The following NEB variants were observed in gnomAD, a reference collection of about 807,000 sequenced individuals.
The protein encoded by NEB is nemaline myopathy type 2.
Under a neutral mutation model 952.2 loss-of-function variants are expected in NEB, and 512 were observed. The ratio of observed to expected loss-of-function variants is 0.54; its 90% confidence interval spans 0.50 to 0.58. NEB has a LOEUF of 0.58. Ranked by LOEUF, NEB falls within the 20% of genes least tolerant of loss-of-function variation. The pLI is 0.00. For synonymous variants in NEB, 2,900 were observed against 3,149.8 expected, an observed-to-expected ratio of 0.92 and a Z score of 2.66; for missense variants, 8,428 against 9,231.1, an observed-to-expected ratio of 0.91 and a Z score of 3.56.
chr2:151,519,198 ATAGTAGCC>A (rs1559478940), intron 154 of NEB, 129 bp from the exon 155 acceptor site: 9 of 704,164 alleles, frequency 1.3e-5, no homozygotes, highest in Non-Finnish European at 2.3e-5. Flanking sequence ...TACCTCATTC[ATAGTAGCC>A]AGAAGGCAGA....
Position 151,630,784 on chromosome 2 carries a change from A to G in NEB, c.9654T>C (p.Thr3218=), listed in dbSNP as rs1005013494. Residue 3218 remains threonine (T), a synonymous_variant, in exon 67 of 182, where the codon ACT becomes ACC. Transcript: ENST00000397345. ...GTGTATCAGGCATTATGTGAATTTG[A>G]GTCTTGTCTTTGTCCCAGGCCTCTG... ...LYTEAWDKDK[T]QIHIMPDTPE... 1 of 1,611,510 alleles carries G rather than the reference A, an allele frequency of 6.2e-7. No individual in the cohort carries two copies. Among genetic ancestry groups the G allele is most frequent in the Non-Finnish European group, 8.5e-7 (1 of 1,178,728 alleles).
intron 100 of NEB, 140 bp from the exon 101 acceptor site, chr2:151,583,906 T>G: frequency 1.2e-6 from 1 of 808,082 alleles, no homozygotes. Context: ...CATATTTCAG[T>G]TCACTTTAAA....
intron 107 of NEB, 88 bp downstream of exon 107, chr2:151,575,607 G>A (rs565122954): frequency 3.4e-4 from 317 of 935,716 alleles, no homozygotes; most frequent in Middle Eastern, 3.1e-3. Context: ...GTCAGGGACC[G>A]AGTCCATCTT....
At chr2:151,627,288 T>C (rs1483550277) in intron 69 of NEB, 83 bp from the exon 70 acceptor site, 8 of 1,487,112 alleles carry the variant, frequency 5.4e-6, no homozygotes, top group Non-Finnish European at 7.2e-6. Context: ...ACTAGAAAGC[T>C]TGGATAGTCA....
chr2:151,657,861 T>G, intron 48 of NEB, 122 bp downstream of exon 48: 1 of 717,000 alleles, frequency 1.4e-6, no homozygotes. Context: ...TTAAGAAGCA[T>G]TCACAGAGAG....
Position 151,633,691 on chromosome 2 carries a change from A to G in NEB, c.9377T>C (p.Val3126Ala), listed in dbSNP as rs1560731497. 9 of 1,613,862 alleles carry G rather than the reference A, an allele frequency of 5.6e-6. No homozygotes were observed. Among genetic ancestry groups the G allele is most frequent in the Non-Finnish European group, 7.6e-6 (9 of 1,179,754 alleles). The change falls in exon 65 of 182, where the codon GTC becomes GCC. Residue 3126 changes from valine to alanine, a missense_variant. Physicochemically the swap from Val to Ala is moderately conservative, Grantham distance 64. Coordinates refer to ENST00000397345, the MANE Select transcript of NEB (RefSeq NM_001164508.2). ...GTCATAGGCCTGCCGAGCATGGATGACATCGCTCTGGTCAGGCAGGCATGT... is the reference window on the plus strand; with the variant it reads ...GTCATAGGCCTGCCGAGCATGGATGGCATCGCTCTGGTCAGGCAGGCATGT... ...EWTCLPDQSD[V>A]IHARQAYDLQ... is the part of the protein sequence containing the mutation.
Position 151,506,290 on chromosome 2 carries a change from C to T in NEB, c.23557-32G>A, listed in dbSNP as rs746053646. 23 of 1,530,090 alleles carry T rather than the reference C, an allele frequency of 1.5e-5. No individual in the cohort carries two copies. The South Asian group carries it at 1.6e-4, about 11-fold the overall frequency. 94.8% of individuals were successfully genotyped at this position (1,530,090 alleles called of 1,614,324 possible). On this transcript the variant is annotated intron_variant, in intron 163 of 181. Transcript: ENST00000397345. Reference sequence around the variant, plus strand: ...ATTCAGAATCAGGACAGTGTTAACACAGAAGAAAAGAAAACCCAGCAGTTC... The same window carrying T: ...ATTCAGAATCAGGACAGTGTTAACATAGAAGAAAAGAAAACCCAGCAGTTC...
rs201971223 is a variant in NEB at position 151,565,051 on chromosome 2, T to G, written c.18464A>C (p.Tyr6155Ser). 2.6e-4 allele frequency: 409 copies of G among 1,558,308 alleles called. 3 individuals carry two copies. The African/African-American group carries it at 5.3e-3, about 20-fold the overall frequency. ...ACATAAAAGAGAACTTACAGTACTG[T>G]AGAGTTTTCCCATGTCTTTGGAGTG... The part of the protein sequence containing the change: ...ISHSKDMGKL[Y>S]STILYKGAWE... The change falls in exon 117 of 182, where the codon TAC (tyrosine) becomes TCC (serine). Residue 6155 changes from tyrosine to serine, a missense_variant. Coordinates refer to ENST00000397345, the MANE Select transcript of NEB (RefSeq NM_001164508.2).
chr2:151,721,900 TA>T (rs1337229203), intron 9 of NEB, among the ~76,000 whole-genome samples: 1 of 152,222 alleles, frequency 6.6e-6, no homozygotes, highest in Non-Finnish European at 1.5e-5. Flanking sequence ...TTTCCTAACT[TA>T]CCTGTGGAAG....
intron 116 of NEB, 100 bp downstream of exon 116, chr2:151,565,401 A>AT (rs1335504547): frequency 7.7e-6 from 7 of 914,746 alleles, no homozygotes; most frequent in Non-Finnish European, 5.2e-6. Context: ...CCACCTCCCA[A>AT]TTTTTTTACA....
rs187180051 is a variant in NEB at position 151,495,998 on chromosome 2, G to A, written c.24486+278C>T. On this transcript the variant is annotated intron_variant, in intron 173 of 181. Coordinates refer to ENST00000397345, the MANE Select transcript of NEB (RefSeq NM_001164508.2). ...GCATATCTAAAACAAAGAGACCTTG[G>A]GGGTAGTGGATAGAGAGTAAGTTTG... Among the ~76,000 whole-genome samples the A allele has an allele frequency of 9.2e-5, 14 of 152,264 alleles. No homozygotes were observed. The East Asian group carries it at 2.7e-3, about 29-fold the overall frequency.
chr2:151,626,996 G>A lies in NEB; in HGVS notation c.10347+6C>T, dbSNP rs141088433. 3.1e-3 allele frequency: 5,073 copies of A among 1,613,470 alleles called. 77 individuals carry two copies. The East Asian group carries it at 0.042, about 13-fold the overall frequency. ...TGTCTTATTTTCCTACAAATTGGGG[G>A]CTCACCTTGTTCATATTGAGAGCAT... On this transcript the variant is annotated splice_donor_region_variant and intron_variant, in intron 70 of 181. Coordinates refer to ENST00000397345, the MANE Select transcript of NEB (RefSeq NM_001164508.2).
intron 105 of NEB, among the ~76,000 whole-genome samples, chr2:151,577,551 A>G (rs1394381615): frequency 6.6e-6 from 1 of 152,158 alleles, no homozygotes; most frequent in Admixed American, 6.5e-5. Flanking sequence ...TCGGTTATCA[A>G]TGTGAACTCC....
chr2:151,487,465 TA>T (rs1369418383), intron 181 of NEB, among the ~76,000 whole-genome samples: 4 of 152,210 alleles, frequency 2.6e-5, no homozygotes, highest in Non-Finnish European at 5.9e-5. Flanking sequence ...AGTGGAACAT[TA>T]CTATAAATAA....
intron 136 of NEB, 148 bp from the exon 137 acceptor site, chr2:151,540,949 C>A (rs759048997): frequency 1.5e-6 from 1 of 675,218 alleles, no homozygotes; most frequent in Non-Finnish European, 2.6e-6. Context: ...TTGTTATATG[C>A]GTTTCTGTTC....
At chr2:151,609,750 G>T in intron 81 of NEB, 59 bp downstream of exon 81, 2 of 1,492,098 alleles carry the variant, frequency 1.3e-6, no homozygotes, top group Non-Finnish European at 1.8e-6. Flanking sequence ...GGCACTGACT[G>T]GGCAATGAAC....
rs1374728018 is a variant in NEB at position 151,692,334 on chromosome 2, G to C, written c.1925C>G (p.Thr642Arg). 7.4e-6 allele frequency: 12 copies of C among 1,611,948 alleles called. No homozygotes were observed. Among genetic ancestry groups the C allele is most frequent in the African/African-American group, 1.3e-5 (1 of 74,836 alleles). ...ACAGTAATTCATACTCTTTGCCTTT[G>C]TCTTCTCATAGTTTTCCTTGTATAA... Reference protein sequence around the residue: ...DRLYKENYEKTKAKSMNYCET... With the variant: ...DRLYKENYEKRKAKSMNYCET... The change falls in exon 21 of 182, where the codon ACA becomes AGA. Residue 642 changes from threonine to arginine, a missense_variant. This residue lies in a region of NEB where 2,851 missense variants were observed against 2,791.5 expected (regional missense o/e 1.02). Transcript: ENST00000397345.
At position 151,710,465 on chromosome 2, in the gene NEB, T is replaced by A. The variant is rs757537132; in HGVS notation, c.896A>T (p.Asn299Ile). 11 of 1,612,708 alleles carry A rather than the reference T, an allele frequency of 6.8e-6. No homozygotes were observed. The South Asian group carries it at 1.2e-4, about 18-fold the overall frequency. ...AATGTTATCAGCATTCATTCTGGCATTTGCAACTTCAAAGCAAGGTGTCTC... is the reference window on the plus strand; with the variant it reads ...AATGTTATCAGCATTCATTCTGGCAATTGCAACTTCAAAGCAAGGTGTCTC... ...WSETPCFEVA[N>I]ARMNADNIST... Residue 299 changes from asparagine (N) to isoleucine (I), a missense_variant, in exon 11 of 182, where the codon AAT (asparagine) becomes ATT (isoleucine). Transcript: ENST00000397345.
At chr2:151,617,133 G>T (rs2098226936) in intron 75 of NEB, among the ~76,000 whole-genome samples, 1 of 152,094 alleles carries the variant, frequency 6.6e-6, no homozygotes, top group Admixed American at 6.5e-5. Flanking sequence ...AATTCCTATG[G>T]AAATATTTAT....
Sources: gnomAD v4.1 joint callset for allele counts (sites outside exome capture counted in the v4.1 genomes callset) on GRCh38, gnomAD v4.1.1 for gene constraint, gnomAD v4.1.1 regional missense constraint, MANE v1.5 for transcripts, NCBI Gene and HGNC (gene_info 2026-07-23, HGNC 2026-07-21) for gene names.